The following SGMS2 variants were observed in gnomAD, a reference collection of about 807,000 sequenced individuals.
SGMS2 encodes sphingomyelin synthase 2.
A neutral mutation model predicts 43.8 loss-of-function variants in SGMS2; 21 were observed. The observed-to-expected ratio is 0.48, with a 90% CI of 0.34 to 0.69. The LOEUF is 0.69. Among genes scored for constraint, SGMS2 ranks in the 30% least tolerant of loss-of-function variants. SGMS2 has a pLI of 0.01. For missense variants in SGMS2, 384 were observed against 443.2 expected, an observed-to-expected ratio of 0.87 and a Z score of 1.20; for synonymous variants, 167 against 160.6, an observed-to-expected ratio of 1.04 and a Z score of -0.30.
chr4:107,884,685 C>A (rs544890778), intron 2 of SGMS2, among the ~76,000 whole-genome samples: 1 of 152,116 alleles, frequency 6.6e-6, no homozygotes, highest in African/African-American at 2.4e-5. Flanking sequence ...AGAATGCAAC[C>A]GTTTATCTCT....
chr4:107,904,793 G>C (rs906532594), intron 5 of SGMS2, among the ~76,000 whole-genome samples: 1 of 152,084 alleles, frequency 6.6e-6, no homozygotes, highest in Admixed American at 6.6e-5. Context: ...ATTGGTTCTG[G>C]GGGGTTGGAT....
At chr4:107,847,849 A>C (rs1726920545) in intron 1 of SGMS2, among the ~76,000 whole-genome samples, 1 of 152,174 alleles carries the variant, frequency 6.6e-6, no homozygotes, top group African/African-American at 2.4e-5. Flanking sequence ...CTGAGTTCCC[A>C]TAAGCTATAC....
chr4:107,836,062 A>G (rs535533809), intron 1 of SGMS2, among the ~76,000 whole-genome samples: 7 of 152,358 alleles, frequency 4.6e-5, no homozygotes, highest in Admixed American at 2.0e-4. Flanking sequence ...AAAATATTAT[A>G]TGTAATGTTA....
At chr4:107,866,590 AAAAC>A (rs887162690) in intron 2 of SGMS2, among the ~76,000 whole-genome samples, 3 of 151,954 alleles carry the variant, frequency 2.0e-5, no homozygotes, top group South Asian at 2.1e-4. Context: ...AAACAAAAAA[AAAAC>A]AAACCAAAAA....
chr4:107,824,884 G>C (rs754141914), upstream of SGMS2: 7 of 152,442 alleles, frequency 4.6e-5, no homozygotes, highest in East Asian at 5.8e-4. Flanking sequence ...CGCAGGGAGC[G>C]GGCCGCGCGC....
chr4:107,908,577 A>C lies in SGMS2; in HGVS notation c.740A>C (p.His247Pro), dbSNP rs539801015. 40 of 1,612,592 alleles carry C rather than the reference A, an allele frequency of 2.5e-5. No individual in the cohort carries two copies. The South Asian group carries it at 4.1e-4, about 16-fold the overall frequency. Residue 247 changes from histidine (H) to proline (P), a missense_variant, in exon 6 of 7, where the codon CAC (histidine) becomes CCC (proline). Transcript: ENST00000690982. ...TTCTACTGTCCAGATTCGCCTCGTC[A>C]CTTCTGGTGGTATCATTTAATCTGC... is the stretch of plus-strand genomic sequence containing the variant. ...YLFIKEYSPR[H>P]FWWYHLICWL... is the part of the protein sequence containing the mutation.
chr4:107,914,084 A>G lies in SGMS2; in HGVS notation c.*3531A>G, dbSNP rs1732300990. On this transcript the variant is annotated 3_prime_UTR_variant, in exon 7 of 7. Coordinates refer to ENST00000690982, the MANE Select transcript of SGMS2 (RefSeq NM_001375905.1). ...AAGGCTTTTCTATTTATATATATAA[A>G]GATTTTTAGTATTTGTTTTTAGTGT... 3 of 152,052 alleles carry G rather than the reference A, an allele frequency of 2.0e-5. No individual in the cohort carries two copies. 9.4% of individuals were successfully genotyped at this position (152,052 alleles called of 1,614,324 possible). A position where few individuals can be genotyped will look rare whatever the true frequency, so the allele number is the denominator to read the frequency against.
chr4:107,829,524 C>T (rs1342474948), intron 1 of SGMS2, among the ~76,000 whole-genome samples: 2 of 152,130 alleles, frequency 1.3e-5, no homozygotes, highest in East Asian at 3.9e-4. Context: ...GAATTAAAGT[C>T]AAATCAGATA....
chr4:107,902,269 G>A (rs977799074), intron 4 of SGMS2, among the ~76,000 whole-genome samples: 1 of 126,708 alleles, frequency 7.9e-6, no homozygotes. Flanking sequence ...CAGTCTGGGT[G>A]AAAGAGCAAG....
rs17038201 is a variant in SGMS2, at chr4:107,895,279, G to C, written c.-244-31G>C. 455 of 394,402 alleles carry C rather than the reference G, an allele frequency of 1.2e-3. 4 individuals are homozygous for C. The highest frequency in any genetic ancestry group is 8.5e-3 in the African/African-American group (418 of 49,256). The allele number at this position is 394,402 out of a possible 1,614,324, so 24.4% of individuals were successfully genotyped here. On this transcript the variant is annotated intron_variant, in intron 2 of 6. Coordinates refer to ENST00000690982, the MANE Select transcript of SGMS2 (RefSeq NM_001375905.1). ...GATGGTTGACAGTTGGACAAGCATA[G>C]TTTCTGAACATAATTTTGTTTTGCT...
Position 107,914,410 on chromosome 4 carries a change from T to C in SGMS2, c.*3857T>C, listed in dbSNP as rs1319151687. 15 of 152,256 alleles carry C rather than the reference T, an allele frequency of 9.9e-5. No individual in the cohort carries two copies. The highest frequency in any genetic ancestry group is 3.1e-4 in the African/African-American group (13 of 41,570). 9.4% of individuals were successfully genotyped at this position (152,256 alleles called of 1,614,324 possible). A position where few individuals can be genotyped will look rare whatever the true frequency, so the allele number is the denominator to read the frequency against. ...ATCTAATTGCCAAGTTAGAATTCAT[T>C]ATTTAATTTACCTCCTATGCAATGA... On this transcript the variant is annotated 3_prime_UTR_variant, in exon 7 of 7. Transcript: ENST00000690982.
At chr4:107,899,431 T>C in intron 3 of SGMS2, 144 bp from the exon 4 acceptor site, 1 of 584,720 alleles carries the variant, frequency 1.7e-6, no homozygotes, top group Non-Finnish European at 3.0e-6. Flanking sequence ...AAAGTAAGCC[T>C]TTAAACTCTG....
rs764467341 is a variant in SGMS2, at chr4:107,895,775, A to T, written c.222A>T (p.Leu74=). Residue 74 remains leucine, a synonymous_variant, in exon 3 of 7, where the codon CTA becomes CTT. Coordinates refer to ENST00000690982, the MANE Select transcript of SGMS2 (RefSeq NM_001375905.1). ...CTGAATCAAGGAACAAATTTCCACT[A>T]GAGTGGTGGAAAACGGGCATTGCCT... The part of the protein sequence containing the change: ...MPTESRNKFP[L]EWWKTGIAFI... 6.2e-7 allele frequency: 1 copy of T among 1,613,988 alleles called. No individual in the cohort carries two copies. The highest frequency in any genetic ancestry group is 8.5e-7 in the Non-Finnish European group (1 of 1,179,948).
At chr4:107,825,903 T>G (rs1333836391) in intron 1 of SGMS2, among the ~76,000 whole-genome samples, 1 of 152,218 alleles carries the variant, frequency 6.6e-6, no homozygotes, top group Non-Finnish European at 1.5e-5. Flanking sequence ...CGGTCCTCTA[T>G]TTCAAGTCTT....
intron 2 of SGMS2, among the ~76,000 whole-genome samples, chr4:107,880,395 G>C (rs939612369): frequency 1.3e-5 from 2 of 152,118 alleles, no homozygotes; most frequent in Admixed American, 6.5e-5. Flanking sequence ...TGGATCTCCT[G>C]TCAGTTTTCA....
At chr4:107,880,851 CAA>C (rs758313839) in intron 2 of SGMS2, among the ~76,000 whole-genome samples, 11 of 42,928 alleles carry the variant, frequency 2.6e-4, no homozygotes, top group Admixed American at 1.2e-3. Flanking sequence ...GAGACTGTCT[CAA>C]AAAAAAAAAA....
intron 2 of SGMS2, among the ~76,000 whole-genome samples, chr4:107,862,976 C>G (rs1283520848): frequency 6.6e-6 from 1 of 152,204 alleles, no homozygotes; most frequent in Non-Finnish European, 1.5e-5. Flanking sequence ...GAGCTTCTCG[C>G]TTATGTGTTA....
chr4:107,867,525 C>T (rs6849692), intron 2 of SGMS2: 90,683 of 151,868 alleles, frequency 0.6, 28,408 homozygotes, highest in African/African-American at 0.74. Flanking sequence ...TCATTTGCGA[C>T]GCTTTTCCCA....
chr4:107,910,029 G>T (rs537296432), intron 6 of SGMS2, among the ~76,000 whole-genome samples: 1 of 151,804 alleles, frequency 6.6e-6, no homozygotes, highest in East Asian at 1.9e-4. Context: ...TCTTTGACTT[G>T]CTTGGCCCCT....
Sources: allele counts gnomAD v4.1 joint callset (sites outside exome capture counted in the v4.1 genomes callset), GRCh38; gene constraint gnomAD v4.1.1; transcripts MANE v1.5; gene names NCBI Gene and HGNC (gene_info 2026-07-23, HGNC 2026-07-21).